Variants in IL17D observed in about 807,000 individuals in gnomAD.
The protein encoded by IL17D is interleukin 17D.
Under a neutral mutation model 5.7 loss-of-function variants are expected in IL17D, and 10 were observed. That is an observed-to-expected ratio of 1.75 (90% confidence interval 1.08 to 2.97). The LOEUF (loss-of-function observed/expected upper bound fraction) is 2.97, where lower values mean the gene tolerates loss of function less well. Ranked by LOEUF, IL17D falls within the 30% of genes most tolerant of loss-of-function variation. The pLI is 0.00. For missense variants in IL17D, 354 were observed against 292.7 expected (o/e 1.21, Z -1.53); for synonymous variants, 172 against 141.7 (o/e 1.21, Z -1.52).
intron 1 of IL17D, among the ~76,000 whole-genome samples, chr13:20,707,950 TCACC>T (rs1301341191): frequency 6.6e-6 from 1 of 152,182 alleles, no homozygotes; most frequent in Non-Finnish European, 1.5e-5. Context: ...TTTTGCTCTG[TCACC>T]CAGGCTGGAA....
Position 20,721,978 on chromosome 13 carries a change from T to G in IL17D, c.*24T>G. 1 of 1,535,222 alleles carries G rather than the reference T, an allele frequency of 6.5e-7. No individual in the cohort carries two copies. The highest frequency in any genetic ancestry group is 8.7e-7 in the Non-Finnish European group (1 of 1,147,958). Reference sequence around the variant, plus strand: ...GAGGCCGGTCCTGCCCCGGGAGGTCTCCCCGGCCCGCATCCCGAGGCGCCC... The same window carrying G: ...GAGGCCGGTCCTGCCCCGGGAGGTCGCCCCGGCCCGCATCCCGAGGCGCCC... On this transcript the variant is annotated 3_prime_UTR_variant, in exon 2 of 2. Coordinates refer to ENST00000682841, the MANE Select transcript of IL17D (RefSeq NM_001385224.1).
intron 1 of IL17D, among the ~76,000 whole-genome samples, chr13:20,721,229 T>A (rs2058731218): frequency 6.6e-6 from 1 of 152,110 alleles, no homozygotes; most frequent in Non-Finnish European, 1.5e-5. Context: ...CCGCCCTACC[T>A]GCCCCCAGCC....
At chr13:20,715,198 T>C (rs1184942847) in intron 1 of IL17D, among the ~76,000 whole-genome samples, 2 of 152,162 alleles carry the variant, frequency 1.3e-5, no homozygotes, top group Non-Finnish European at 2.9e-5. Context: ...TAGAATTATC[T>C]GGGGAGGTTT....
At chr13:20,710,383 G>GCAGGAGAATCACT (rs2058625258) in intron 1 of IL17D, among the ~76,000 whole-genome samples, 1 of 149,916 alleles carries the variant, frequency 6.7e-6, no homozygotes, top group Non-Finnish European at 1.5e-5. Context: ...GGAGGCCGAG[G>GCAGGAGAATCACT]TGGGTGGATC....
intron 1 of IL17D, among the ~76,000 whole-genome samples, chr13:20,705,464 G>A (rs535735437): frequency 2.6e-5 from 4 of 152,136 alleles, no homozygotes; most frequent in Non-Finnish European, 5.9e-5. Flanking sequence ...TTGGGAGGCC[G>A]AGGCAGGAGG....
chr13:20,704,188 C>A lies in IL17D; in HGVS notation c.187C>A (p.Arg63Ser). 1.5e-6 allele frequency: 2 copies of A among 1,370,876 alleles called. No homozygotes were observed. The highest frequency in any genetic ancestry group is 1.9e-6 in the Non-Finnish European group (2 of 1,056,110). 84.9% of individuals were successfully genotyped at this position (1,370,876 alleles called of 1,614,324 possible). A position where few individuals can be genotyped will look rare whatever the true frequency, so the allele number is the denominator to read the frequency against. Reference protein sequence around the residue: ...AFHHTLQLGPREQARNASCPA... With the variant: ...AFHHTLQLGPSEQARNASCPA... ...CCACCACACGCTGCAGCTGGGGCCGCGTGAGCAGGCGCGCAACGCGAGCTG... is the reference window on the plus strand; with the variant it reads ...CCACCACACGCTGCAGCTGGGGCCGAGTGAGCAGGCGCGCAACGCGAGCTG... Residue 63 changes from arginine to serine, a missense_variant, in exon 1 of 2, where the codon CGT (arginine) becomes AGT (serine). Transcript: ENST00000682841.
At chr13:20,702,489 GC>G (rs1168520741), upstream of IL17D, 2 of 152,204 alleles carry the variant, frequency 1.3e-5, no homozygotes, top group African/African-American at 4.8e-5. Context: ...TATTTTCAAA[GC>G]ATGACTGCTT....
At position 20,716,010 on chromosome 13, in the gene IL17D, C is replaced by T. The variant is rs1283131802; in HGVS notation, c.291-5626C>T. 4.0e-6 allele frequency: 3 copies of T among 745,208 alleles called. 1 individual carries two copies. Among genetic ancestry groups the T allele is most frequent in the South Asian group, 1.2e-4 (2 of 16,416 alleles). 46.2% of individuals were successfully genotyped at this position (745,208 alleles called of 1,614,324 possible). A position where few individuals can be genotyped will look rare whatever the true frequency, so the allele number is the denominator to read the frequency against. ...GAGGCCTCCCAAAGTGCTGCGATTA[C>T]AGGCATGAGCCACCGCGCCCGGCCA... On this transcript the variant is annotated intron_variant, in intron 1 of 1. Transcript: ENST00000682841. This position sits in a 1 kb window ranked among gnomAD's most constrained non-coding sequence, Gnocchi z 4.2.
At chr13:20,717,657 G>A (rs41349349) in intron 1 of IL17D, among the ~76,000 whole-genome samples, 2,753 of 152,290 alleles carry the variant, frequency 0.018, 92 homozygotes, top group African/African-American at 0.063. Context: ...TGGTAGATGC[G>A]CGGCACCCCC....
Position 20,721,624 on chromosome 13 carries a change from C to G in IL17D, c.291-12C>G. On this transcript the variant is annotated splice_polypyrimidine_tract_variant and intron_variant, in intron 1 of 1. Coordinates refer to ENST00000682841, the MANE Select transcript of IL17D (RefSeq NM_001385224.1). ...CCCCAGGCGTGACCTCACCCGTGCT[C>G]TCTCCCTGCAGAATCTCCTACGACC... 6.3e-7 allele frequency: 1 copy of G among 1,579,814 alleles called. No individual in the cohort carries two copies. Among genetic ancestry groups the G allele is most frequent in the Non-Finnish European group, 8.6e-7 (1 of 1,160,048 alleles).
chr13:20,704,091 CT>C lies in IL17D; in HGVS notation c.91del (p.Cys31AlafsTer90), dbSNP rs1481946128. The C allele has an allele frequency of 8.2e-7, 1 of 1,221,208 alleles. No homozygotes were observed. The highest frequency in any genetic ancestry group is 1.0e-6 in the Non-Finnish European group (1 of 971,770). 75.6% of individuals were successfully genotyped at this position (1,221,208 alleles called of 1,614,324 possible). A position where few individuals can be genotyped will look rare whatever the true frequency, so the allele number is the denominator to read the frequency against. ...AGRRPARPRG[C>X]ADRPEELLEQ... is the part of the protein sequence containing the mutation. ...GCAGGCGCCCCGCGCGGCCGCGGGG[CT>C]GCGCGGACCGGCCGGAGGAGCTACT... On this transcript the variant is annotated frameshift_variant, in exon 1 of 2. Transcript: ENST00000682841. LOFTEE classifies it high-confidence loss of function.
upstream of IL17D, chr13:20,703,482 GC>G (rs1472179089): frequency 5.2e-6 from 5 of 954,812 alleles, no homozygotes; most frequent in African/African-American, 8.8e-5. Context: ...TCGCGGAAAA[GC>G]GGGCCGCGGA....
At chr13:20,708,336 G>A (rs1040375707) in intron 1 of IL17D, among the ~76,000 whole-genome samples, 3 of 152,252 alleles carry the variant, frequency 2.0e-5, no homozygotes, top group Admixed American at 1.3e-4. Flanking sequence ...CATTTGGAAG[G>A]TGGCTTTCCA....
In IL17D at chr13:20,716,768, G is replaced by A. The variant is rs1428708538; in HGVS notation, c.291-4868G>A. Among the ~76,000 whole-genome samples the A allele has an allele frequency of 6.6e-6, 1 of 152,236 alleles. No homozygotes were observed. Among genetic ancestry groups the A allele is most frequent in the Non-Finnish European group, 1.5e-5 (1 of 68,038 alleles). On this transcript the variant is annotated intron_variant, in intron 1 of 1. Transcript: ENST00000682841. The surrounding 1 kb of genome is among the most constrained non-coding windows in gnomAD (Gnocchi z 4.2). ...TTCGGTGCTTGTGGGTTCTAGCCAA[G>A]ATTGGAGAAGGCATTGCCCCCACTT... is the stretch of plus-strand genomic sequence containing the variant.
At chr13:20,714,363 C>T (rs774643441) in intron 1 of IL17D, among the ~76,000 whole-genome samples, 1 of 152,212 alleles carries the variant, frequency 6.6e-6, no homozygotes, top group South Asian at 2.1e-4. Flanking sequence ...AGCCACAAAC[C>T]GCACACCGCA....
Position 20,721,777 on chromosome 13 carries a change from C to T in IL17D, c.432C>T (p.Arg144=), listed in dbSNP as rs754028184. 1.9e-5 allele frequency: 30 copies of T among 1,609,310 alleles called. No homozygotes were observed. The highest frequency in any genetic ancestry group is 5.0e-5 in the Admixed American group (3 of 59,972). ...TCTACATGCCCACCGTCGTCCTGCG[C>T]CGCACCCCCGCCTGCGCCGGCGGCC... ...APVYMPTVVL[R]RTPACAGGRS... is the part of the protein sequence containing the mutation. Residue 144 remains arginine, a synonymous_variant, in exon 2 of 2, where the codon CGC becomes CGT. Transcript: ENST00000682841.
intron 1 of IL17D, among the ~76,000 whole-genome samples, chr13:20,720,555 A>G (rs1185463961): frequency 1.3e-5 from 2 of 152,226 alleles, no homozygotes; most frequent in East Asian, 3.9e-4. Context: ...GGCGGTCCCC[A>G]CTGCCCTCTC....
chr13:20,718,631 G>T (rs111216582), intron 1 of IL17D, among the ~76,000 whole-genome samples: 6 of 46,578 alleles, frequency 1.3e-4, no homozygotes, highest in Non-Finnish European at 1.1e-4. Context: ...CCCACACACA[G>T]GCCCACGCTC....
chr13:20,711,621 C>T (rs534079907), intron 1 of IL17D, among the ~76,000 whole-genome samples: 10 of 152,298 alleles, frequency 6.6e-5, no homozygotes, highest in East Asian at 1.9e-4. Flanking sequence ...AGGTCACCAA[C>T]GGCATTCGAA....
Sources: allele counts gnomAD v4.1 joint callset (sites outside exome capture counted in the v4.1 genomes callset), GRCh38; gene constraint gnomAD v4.1.1; non-coding constraint Gnocchi (gnomAD v3.1); transcripts MANE v1.5; gene names NCBI Gene and HGNC (gene_info 2026-07-23, HGNC 2026-07-21).